The following FAM227B variants were observed in gnomAD, a reference collection of about 807,000 sequenced individuals.
FAM227B encodes family with sequence similarity 227 member B.
In FAM227B, 88 loss-of-function variants were observed where a neutral mutation model predicts 73.8. The ratio of observed to expected loss-of-function variants is 1.19; its 90% confidence interval spans 1.00 to 1.42. The LOEUF (loss-of-function observed/expected upper bound fraction) is 1.42, where lower values mean the gene tolerates loss of function less well. Ranked by LOEUF, FAM227B falls within the 40% of genes most tolerant of loss-of-function variation. The probability of loss-of-function intolerance (pLI) is 0.00; values close to 1 mark genes in which losing one functional copy is unlikely to be tolerated. For synonymous variants in FAM227B, 210 were observed against 190.5 expected (o/e 1.10, Z -0.84); for missense variants, 632 against 590.9 (o/e 1.07, Z -0.72).
chr15:49,424,312 A>G, intron 11 of FAM227B: 1 of 1,613,398 alleles, frequency 6.2e-7, no homozygotes. Flanking sequence ...ACAAATGGAT[A>G]CTGACATGGA....
intron 13 of FAM227B, among the ~76,000 whole-genome samples, chr15:49,352,913 C>T (rs1409886760): frequency 2.0e-5 from 3 of 152,186 alleles, no homozygotes; most frequent in African/African-American, 7.2e-5. Flanking sequence ...AGCTCTGTTA[C>T]ACTGGTGTTC....
At chr15:49,492,589 A>G (rs2057216670) in intron 11 of FAM227B, among the ~76,000 whole-genome samples, 1 of 151,948 alleles carries the variant, frequency 6.6e-6, no homozygotes, top group Non-Finnish European at 1.5e-5. Context: ...GAAAAATGTT[A>G]CTTTCTTGCT....
intron 11 of FAM227B, among the ~76,000 whole-genome samples, chr15:49,432,899 AAACT>A (rs2050743572): frequency 6.6e-6 from 1 of 151,608 alleles, no homozygotes; most frequent in Admixed American, 6.6e-5. Context: ...GGCCACCGAT[AAACT>A]AACCAAAAAC....
intron 5 of FAM227B, among the ~76,000 whole-genome samples, chr15:49,585,556 G>A (rs1419541218): frequency 6.6e-6 from 1 of 152,152 alleles, no homozygotes; most frequent in Admixed American, 6.5e-5. Flanking sequence ...CATGGATGAA[G>A]ATGGAAACCA....
At position 49,606,380 on chromosome 15, in the gene FAM227B, C is replaced by A. The variant is rs111616530; in HGVS notation, c.105+4835G>T. Among the ~76,000 whole-genome samples, 712 of 152,186 alleles carry A rather than the reference C, an allele frequency of 4.7e-3. 8 individuals carry two copies. Among genetic ancestry groups the A allele is most frequent in the African/African-American group, 0.016 (674 of 41,506 alleles). On this transcript the variant is annotated intron_variant, in intron 3 of 15. Transcript: ENST00000299338. ...TCTCTTTCCGTATTATAATTGCCAT[C>A]CCTAACAATTAAAAACCTAGCTACC...
intron 3 of FAM227B, among the ~76,000 whole-genome samples, chr15:49,594,318 ATATTAGTCC>A (rs1487795254): frequency 2.6e-5 from 4 of 151,768 alleles, no homozygotes; most frequent in Non-Finnish European, 4.4e-5. Context: ...TAGACTCTGG[ATATTAGTCC>A]TTTGTCCAAT....
intron 11 of FAM227B, among the ~76,000 whole-genome samples, chr15:49,430,495 G>A (rs78025470): frequency 0.023 from 3,518 of 151,886 alleles, 88 homozygotes; most frequent in South Asian, 0.13. Flanking sequence ...ATTCTAGAGG[G>A]TTGGCTTAGT....
At chr15:49,568,204 C>T in intron 9 of FAM227B, 41 bp downstream of exon 9, 1 of 1,485,002 alleles carries the variant, frequency 6.7e-7, no homozygotes, top group Non-Finnish European at 9.2e-7. Context: ...ATTTCATTCA[C>T]TTTAAAAATA....
rs115968779 is a variant in FAM227B at position 49,522,573 on chromosome 15, C to T, written c.875-14225G>A. ...AAATTCAGAATATGAAAGATGAAAT[C>T]GATATATTTTAAGGAACCAACAGAA... On this transcript the variant is annotated intron_variant, in intron 10 of 15. Coordinates refer to ENST00000299338, the MANE Select transcript of FAM227B (RefSeq NM_152647.3). Among the ~76,000 whole-genome samples the T allele has an allele frequency of 5.7e-3, 860 of 151,764 alleles. 9 individuals are homozygous for T. Among genetic ancestry groups the T allele is most frequent in the African/African-American group, 0.02 (818 of 41,376 alleles).
At chr15:49,377,202 C>T (rs1031687619) in intron 11 of FAM227B, among the ~76,000 whole-genome samples, 2 of 152,010 alleles carry the variant, frequency 1.3e-5, no homozygotes, top group Non-Finnish European at 2.9e-5. Context: ...CTGGACCTTA[C>T]TCTTTTTATG....
intron 11 of FAM227B, among the ~76,000 whole-genome samples, chr15:49,466,062 A>G (rs2054241389): frequency 6.6e-6 from 1 of 152,234 alleles, no homozygotes; most frequent in Non-Finnish European, 1.5e-5. Flanking sequence ...GCTAATTAAT[A>G]GTACAGCAGT....
intron 9 of FAM227B, among the ~76,000 whole-genome samples, chr15:49,546,007 TGCA>T (rs1177646573): frequency 6.6e-6 from 1 of 151,782 alleles, no homozygotes; most frequent in Non-Finnish European, 1.5e-5. Flanking sequence ...GTGCACAACG[TGCA>T]GGTTTGTTAC....
chr15:49,577,442 T>C (rs2075526318), intron 6 of FAM227B, 187 bp downstream of exon 6: 2 of 478,860 alleles, frequency 4.2e-6, no homozygotes. Context: ...TGATCAAGAA[T>C]TTTAGCTAGA....
At chr15:49,386,267 A>G (rs934919313) in intron 11 of FAM227B, among the ~76,000 whole-genome samples, 10 of 151,728 alleles carry the variant, frequency 6.6e-5, no homozygotes, top group African/African-American at 2.2e-4. Flanking sequence ...AAATCTCAAT[A>G]AATTAAAAAA....
At chr15:49,505,478 T>A (rs1392675363) in intron 11 of FAM227B, among the ~76,000 whole-genome samples, 2 of 152,120 alleles carry the variant, frequency 1.3e-5, no homozygotes, top group Non-Finnish European at 1.5e-5. Context: ...GTGAGGCTAT[T>A]ATTTATGTAG....
chr15:49,548,826 T>C (rs1326366314), intron 9 of FAM227B, among the ~76,000 whole-genome samples: 1 of 152,238 alleles, frequency 6.6e-6, no homozygotes, highest in Non-Finnish European at 1.5e-5. Flanking sequence ...TGGTAGCAAC[T>C]AATAATCCTT....
intron 10 of FAM227B, among the ~76,000 whole-genome samples, chr15:49,536,072 C>CAAAAAAAA (rs59203003): frequency 1.2e-3 from 142 of 113,816 alleles, no homozygotes; most frequent in African/African-American, 1.5e-3. Context: ...GGCAATCAGA[C>CAAAAAAAA]AAAAAAAAAA....
intron 5 of FAM227B, among the ~76,000 whole-genome samples, chr15:49,581,243 TACAA>T (rs1457653344): frequency 6.6e-6 from 1 of 151,654 alleles, no homozygotes; most frequent in Non-Finnish European, 1.5e-5. Context: ...CAGGTAAACC[TACAA>T]AGGGAACCTC....
At chr15:49,449,958 G>T (rs1474768738) in intron 11 of FAM227B, among the ~76,000 whole-genome samples, 1 of 152,050 alleles carries the variant, frequency 6.6e-6, no homozygotes, top group Non-Finnish European at 1.5e-5. Context: ...CATATGCAAA[G>T]AAAATGTCAT....
Sources: gnomAD v4.1 joint callset for allele counts (sites outside exome capture counted in the v4.1 genomes callset) on GRCh38, gnomAD v4.1.1 for gene constraint, MANE v1.5 for transcripts, NCBI Gene and HGNC (gene_info 2026-07-23, HGNC 2026-07-21) for gene names.